Variants in TRIM33 observed in about 807,000 individuals in gnomAD.
TRIM33 encodes E3 ubiquitin-protein ligase TRIM33.
In TRIM33, 20 loss-of-function variants were observed where a neutral mutation model predicts 125.4. The observed-to-expected ratio is 0.16, with a 90% CI of 0.11 to 0.23. The LOEUF (loss-of-function observed/expected upper bound fraction) is 0.23, where lower values mean the gene tolerates loss of function less well. TRIM33 is among the 10% of genes least tolerant of loss of function. TRIM33 has a pLI of 1.00. For missense variants in TRIM33, 920 were observed against 1,411.4 expected (o/e 0.65, Z 5.58); for synonymous variants, 564 against 513.9 (o/e 1.10, Z -1.32).
intron 4 of TRIM33, among the ~76,000 whole-genome samples, chr1:114,451,922 A>G (rs1415011890): frequency 6.6e-6 from 1 of 152,210 alleles, no homozygotes; most frequent in African/African-American, 2.4e-5. Context: ...GACTGTATAA[A>G]TGGATGATTA....
At chr1:114,418,701 T>G (rs1653085583) in intron 11 of TRIM33, among the ~76,000 whole-genome samples, 1 of 152,142 alleles carries the variant, frequency 6.6e-6, no homozygotes, top group African/African-American at 2.4e-5. Context: ...AACTTAAGAT[T>G]GGCCTTTTTA....
intron 4 of TRIM33, among the ~76,000 whole-genome samples, chr1:114,441,986 A>G (rs1648683480): frequency 6.6e-6 from 1 of 152,196 alleles, no homozygotes; most frequent in Non-Finnish European, 1.5e-5. Context: ...TACCCAAATG[A>G]ATTAATTCAA....
intron 11 of TRIM33, among the ~76,000 whole-genome samples, chr1:114,412,582 T>A (rs925497980): frequency 2.0e-5 from 3 of 152,154 alleles, no homozygotes; most frequent in African/African-American, 7.2e-5. Flanking sequence ...CAGCTTTAGT[T>A]TTTTTTTCCA....
chr1:114,440,485 G>A (rs1335849043), intron 4 of TRIM33, among the ~76,000 whole-genome samples: 1 of 151,904 alleles, frequency 6.6e-6, no homozygotes, highest in Non-Finnish European at 1.5e-5. Flanking sequence ...ACTAACAGAG[G>A]CAAAATAAAT....
At chr1:114,410,361 G>A (rs774027006) in intron 11 of TRIM33, 45 bp from the exon 12 acceptor site, 1 of 1,575,030 alleles carries the variant, frequency 6.3e-7, no homozygotes, top group Non-Finnish European at 8.6e-7. Flanking sequence ...GATTAAAGCA[G>A]AGAAGTTATT....
chr1:114,452,321 G>A (rs778791366), intron 4 of TRIM33, among the ~76,000 whole-genome samples: 4 of 152,122 alleles, frequency 2.6e-5, no homozygotes, highest in Non-Finnish European at 4.4e-5. Context: ...GTAGCTGGGC[G>A]TGGTGGTGTG....
intron 4 of TRIM33, among the ~76,000 whole-genome samples, chr1:114,452,350 C>T (rs1301447100): frequency 6.6e-6 from 1 of 152,052 alleles, no homozygotes; most frequent in African/African-American, 2.4e-5. Flanking sequence ...GTCCAAGCTA[C>T]TCAGGAGGCT....
intron 11 of TRIM33, 132 bp from the exon 12 acceptor site, chr1:114,410,448 G>T: frequency 3.2e-6 from 3 of 928,966 alleles, no homozygotes; most frequent in South Asian, 1.8e-5. Context: ...CCTTATTATT[G>T]CTTCCTTAGG....
intron 4 of TRIM33, chr1:114,459,797 A>G (rs981453344): frequency 4.6e-5 from 7 of 152,232 alleles, no homozygotes; most frequent in African/African-American, 1.7e-4. Flanking sequence ...CAAAAATTAC[A>G]GGAGGACATT....
At chr1:114,437,721 G>T (rs921586621) in intron 4 of TRIM33, among the ~76,000 whole-genome samples, 2 of 152,138 alleles carry the variant, frequency 1.3e-5, no homozygotes, top group African/African-American at 4.8e-5. Flanking sequence ...TAAAAATGAT[G>T]TATGCCCAGG....
intron 4 of TRIM33, among the ~76,000 whole-genome samples, chr1:114,439,814 C>A (rs1475063701): frequency 6.6e-6 from 1 of 152,066 alleles, no homozygotes; most frequent in Non-Finnish European, 1.5e-5. Context: ...AAAAAAGATA[C>A]ACTGTATACA....
rs1651593180 is a variant in TRIM33, at chr1:114,397,379, C to A, written c.*269G>T. The stretch of plus-strand genomic sequence containing the variant: ...CCATTTCTAACAATCAGAGAATCAT[C>A]TCCATTAGAACAGAAATCCTCAAAT... On this transcript the variant is annotated 3_prime_UTR_variant, in exon 20 of 20. Coordinates refer to ENST00000358465, the MANE Select transcript of TRIM33 (RefSeq NM_015906.4). 4.3e-6 allele frequency: 2 copies of A among 463,234 alleles called. No individual in the cohort carries two copies. Among genetic ancestry groups the A allele is most frequent in the Non-Finnish European group, 7.7e-6 (2 of 260,422 alleles). The allele number at this position is 463,234 out of a possible 1,614,324, so 28.7% of individuals were successfully genotyped here.
chr1:114,430,656 A>T (rs1365994950), intron 6 of TRIM33, 142 bp downstream of exon 6: 2 of 617,580 alleles, frequency 3.2e-6, no homozygotes, highest in Admixed American at 2.9e-5. Flanking sequence ...GTCTCTTCCA[A>T]AAGTAAATTT....
Position 114,408,686 on chromosome 1 carries a change from C to T in TRIM33, c.2249G>A (p.Ser750Asn). Residue 750 changes from serine to asparagine, a missense_variant, in exon 13 of 20, where the codon AGT (serine) becomes AAT (asparagine). Around this residue, in one of 8 missense-constraint regions of TRIM33, gnomAD observed 407 missense variants for 589.7 expected, o/e 0.69. Coordinates refer to ENST00000358465, the MANE Select transcript of TRIM33 (RefSeq NM_015906.4). The stretch of plus-strand genomic sequence containing the variant: ...TTATCAATATACTCACCTGCCTCGA[C>T]TGCCAGTACTAGAAGTACTTGGGGG... ...VRPPSTSSTG[S>N]RGSCGSSGRT... The T allele has an allele frequency of 6.3e-7, 1 of 1,599,724 alleles. No homozygotes were observed. Among genetic ancestry groups the T allele is most frequent in the Non-Finnish European group, 8.5e-7 (1 of 1,171,742 alleles).
At chr1:114,456,213 C>T (rs1382658467) in intron 4 of TRIM33, among the ~76,000 whole-genome samples, 1 of 152,126 alleles carries the variant, frequency 6.6e-6, no homozygotes, top group African/African-American at 2.4e-5. Context: ...GTAAGTTCAC[C>T]TTGAGGTCAA....
chr1:114,415,189 T>A (rs1009635926), intron 11 of TRIM33, among the ~76,000 whole-genome samples: 1 of 151,866 alleles, frequency 6.6e-6, no homozygotes, highest in Non-Finnish European at 1.5e-5. Flanking sequence ...AGAGACTGGG[T>A]CTTGCTATGT....
chr1:114,410,920 C>T (rs1168381926), intron 11 of TRIM33, among the ~76,000 whole-genome samples: 1 of 152,018 alleles, frequency 6.6e-6, no homozygotes, highest in African/African-American at 2.4e-5. Flanking sequence ...AAACATGCCA[C>T]CTATATTGCA....
Position 114,511,127 on chromosome 1 carries a change from T to G in TRIM33, c.-51A>C. 9.1e-7 allele frequency: 1 copy of G among 1,099,342 alleles called. No homozygotes were observed. The highest frequency in any genetic ancestry group is 1.1e-6 in the Non-Finnish European group (1 of 907,034). The allele number at this position is 1,099,342 out of a possible 1,614,324, so 68.1% of individuals were successfully genotyped here. ...CGCCCCGCGCCGCCCGCCGCCCGCG[T>G]CGCCGCCGCCGCCGCCCCCAGCCCC... On this transcript the variant is annotated 5_prime_UTR_variant, in exon 1 of 20. Transcript: ENST00000358465.
Position 114,433,497 on chromosome 1 carries a change from C to A in TRIM33, c.1040+120G>T, listed in dbSNP as rs1164483577. ...AAATATTATAATCCCAAATTCATAC[C>A]ATTTCCCCCTCAAAAAAATGTTTTC... On this transcript the variant is annotated intron_variant, in intron 5 of 19. Coordinates refer to ENST00000358465, the MANE Select transcript of TRIM33 (RefSeq NM_015906.4). 24 of 583,142 alleles carry A rather than the reference C, an allele frequency of 4.1e-5. 1 individual carries two copies. Among genetic ancestry groups the A allele is most frequent in the Non-Finnish European group, 1.2e-5 (4 of 338,180 alleles). 36.1% of individuals were successfully genotyped at this position (583,142 alleles called of 1,614,324 possible). A position where few individuals can be genotyped will look rare whatever the true frequency, so the allele number is the denominator to read the frequency against.
Sources: gnomAD v4.1 joint callset for allele counts (sites outside exome capture counted in the v4.1 genomes callset) on GRCh38, gnomAD v4.1.1 for gene constraint, gnomAD v4.1.1 regional missense constraint, MANE v1.5 for transcripts, NCBI Gene and HGNC (gene_info 2026-07-23, HGNC 2026-07-21) for gene names.